The following FOXN3 variants were observed in gnomAD, a reference collection of about 807,000 sequenced individuals.
FOXN3 encodes the protein forkhead box N3, also known as forkhead box protein N3.
FOXN3 carries 7 observed loss-of-function variants against 38.4 expected under a neutral mutation model. The ratio of observed to expected loss-of-function variants is 0.18; its 90% confidence interval spans 0.10 to 0.34. FOXN3 has a LOEUF of 0.34. FOXN3 is among the 10% of genes least tolerant of loss of function. The probability of loss-of-function intolerance (pLI) is 1.00; values close to 1 mark genes in which losing one functional copy is unlikely to be tolerated. For missense variants in FOXN3, 456 were observed against 613.4 expected, an observed-to-expected ratio of 0.74 and a Z score of 2.71; for synonymous variants, 230 against 242.2, an observed-to-expected ratio of 0.95 and a Z score of 0.47.
At chr14:89,566,584 T>A (rs987858262) in intron 1 of FOXN3, among the ~76,000 whole-genome samples, 2 of 152,270 alleles carry the variant, frequency 1.3e-5, no homozygotes, top group Non-Finnish European at 2.9e-5. Flanking sequence ...GGTACTGCCA[T>A]CACTGGCTTC....
At chr14:89,178,432 G>A (rs1044056948) in intron 5 of FOXN3, among the ~76,000 whole-genome samples, 1 of 152,170 alleles carries the variant, frequency 6.6e-6, no homozygotes, top group South Asian at 2.1e-4. Flanking sequence ...TTATAGGCAT[G>A]AGCCACCACA....
At chr14:89,576,047 A>G (rs552684873) in intron 1 of FOXN3, among the ~76,000 whole-genome samples, 72 of 152,348 alleles carry the variant, frequency 4.7e-4, no homozygotes, top group African/African-American at 1.6e-3. Context: ...ACTTGTTTTC[A>G]GCTGTTCCTG....
At chr14:89,308,117 T>C (rs910441047) in intron 3 of FOXN3, among the ~76,000 whole-genome samples, 1 of 152,102 alleles carries the variant, frequency 6.6e-6, no homozygotes, top group South Asian at 2.1e-4. Flanking sequence ...ATACACAGTT[T>C]AGCCAGGCGT....
At position 89,365,653 on chromosome 14, in the gene FOXN3, C is replaced by A. The variant is rs773064220; in HGVS notation, c.544-14845G>T. Among the ~76,000 whole-genome samples, 48 of 152,156 alleles carry A rather than the reference C, an allele frequency of 3.2e-4. 1 individual carries two copies. The highest frequency in any genetic ancestry group is 6.6e-4 in the Non-Finnish European group (45 of 68,028). On this transcript the variant is annotated intron_variant, in intron 2 of 5. Coordinates refer to ENST00000557258, the MANE Select transcript of FOXN3 (RefSeq NM_005197.4). ...CTCCATCTGAAACCTCATCGCATGACATAGGCTGACTAAAAAGGGTAGAGG... is the reference window on the plus strand; with the variant it reads ...CTCCATCTGAAACCTCATCGCATGAAATAGGCTGACTAAAAAGGGTAGAGG...
chr14:89,334,004 A>G (rs1488373111), intron 3 of FOXN3, among the ~76,000 whole-genome samples: 159 of 45,830 alleles, frequency 3.5e-3, no homozygotes, highest in African/African-American at 8.7e-3. Context: ...ATATATATAT[A>G]TATATGTATA....
intron 3 of FOXN3, among the ~76,000 whole-genome samples, chr14:89,322,152 G>A (rs1008499624): frequency 6.6e-6 from 1 of 152,132 alleles, no homozygotes; most frequent in African/African-American, 2.4e-5. Flanking sequence ...CCAGGGTTCG[G>A]GACCCCATAA....
At chr14:89,606,497 C>G (rs976431356) in intron 1 of FOXN3, among the ~76,000 whole-genome samples, 4 of 152,196 alleles carry the variant, frequency 2.6e-5, no homozygotes, top group African/African-American at 9.7e-5. Context: ...TATAGGACTT[C>G]TCACGCCTGA....
intron 1 of FOXN3, among the ~76,000 whole-genome samples, chr14:89,571,405 A>C (rs1449368841): frequency 2.6e-5 from 4 of 151,826 alleles, no homozygotes; most frequent in African/African-American, 9.7e-5. Context: ...GCTACTCAGG[A>C]GGCTGAGGCA....
intron 1 of FOXN3, among the ~76,000 whole-genome samples, chr14:89,443,784 C>A (rs908150308): frequency 6.6e-6 from 1 of 151,946 alleles, no homozygotes; most frequent in South Asian, 2.1e-4. Flanking sequence ...CCAAGGTGGG[C>A]GGGTCACCTG....
At chr14:89,609,161 GGC>G (rs1358183471) in intron 1 of FOXN3, among the ~76,000 whole-genome samples, 1 of 152,136 alleles carries the variant, frequency 6.6e-6, no homozygotes, top group Non-Finnish European at 1.5e-5. Flanking sequence ...TTGAAAGTGA[GGC>G]AGAAAAAGAG....
chr14:89,585,768 AAAAAG>A (rs952545180), intron 1 of FOXN3, among the ~76,000 whole-genome samples: 3 of 151,922 alleles, frequency 2.0e-5, no homozygotes, highest in African/African-American at 4.8e-5. Flanking sequence ...AAAAAAAAAA[AAAAAG>A]AAAGGAAGGA....
intron 1 of FOXN3, among the ~76,000 whole-genome samples, chr14:89,528,408 T>TTTTTTTTTTTG (rs1566687721): frequency 1.0e-5 from 1 of 98,972 alleles, no homozygotes; most frequent in African/African-American, 3.5e-5. Context: ...TTTTTTTTTT[T>TTTTTTTTTTTG]TGAAAAAGAA....
chr14:89,582,720 T>G (rs1050627183), intron 1 of FOXN3, among the ~76,000 whole-genome samples: 6 of 152,190 alleles, frequency 3.9e-5, no homozygotes, highest in African/African-American at 1.2e-4. Flanking sequence ...TGTGAAACCA[T>G]CACCATGATC....
chr14:89,321,610 G>T (rs1419673761), intron 3 of FOXN3, among the ~76,000 whole-genome samples: 1 of 152,062 alleles, frequency 6.6e-6, no homozygotes. Context: ...TTAAGAAGTT[G>T]TATTCTGATC....
chr14:89,603,672 G>C (rs1457794692), intron 1 of FOXN3, among the ~76,000 whole-genome samples: 1 of 152,184 alleles, frequency 6.6e-6, no homozygotes, highest in Non-Finnish European at 1.5e-5. Context: ...AACCAAAAAT[G>C]CTGGACAAAA....
intron 2 of FOXN3, among the ~76,000 whole-genome samples, chr14:89,408,140 C>T (rs941889539): frequency 3.3e-5 from 5 of 152,204 alleles, no homozygotes; most frequent in African/African-American, 9.7e-5. Flanking sequence ...CTCAAGAGGG[C>T]ACCTAGTTCA....
chr14:89,285,617 T>TA (rs1335547961), intron 3 of FOXN3, among the ~76,000 whole-genome samples: 4 of 151,574 alleles, frequency 2.6e-5, no homozygotes, highest in Admixed American at 6.6e-5. Flanking sequence ...ATAAAACAGA[T>TA]ACTGTCTGAT....
At chr14:89,178,657 C>T (rs533247698) in intron 5 of FOXN3, among the ~76,000 whole-genome samples, 2 of 152,142 alleles carry the variant, frequency 1.3e-5, no homozygotes, top group Non-Finnish European at 2.9e-5. Context: ...TATTCTCTAA[C>T]TAGAAAGAAA....
intron 1 of FOXN3, among the ~76,000 whole-genome samples, chr14:89,581,894 T>C (rs1895747125): frequency 6.6e-6 from 1 of 152,194 alleles, no homozygotes; most frequent in Non-Finnish European, 1.5e-5. Context: ...CCTAAAAAAG[T>C]CTGAGTTGGG....
Sources: gnomAD v4.1 joint callset for allele counts (sites outside exome capture counted in the v4.1 genomes callset) on GRCh38, gnomAD v4.1.1 for gene constraint, MANE v1.5 for transcripts, NCBI Gene and HGNC (gene_info 2026-07-23, HGNC 2026-07-21) for gene names.